The following BIN1 variants were observed in gnomAD, a reference collection of about 807,000 sequenced individuals.
BIN1 encodes bridging integrator 1.
BIN1 carries 53 observed loss-of-function variants against 82.0 expected under a neutral mutation model. The ratio of observed to expected loss-of-function variants is 0.65; its 90% confidence interval spans 0.52 to 0.81. The LOEUF (loss-of-function observed/expected upper bound fraction) is 0.81. Among genes scored for constraint, BIN1 ranks in the 40% least tolerant of loss-of-function variants. BIN1 has a pLI of 0.00. For synonymous variants in BIN1, 302 were observed against 328.0 expected, an observed-to-expected ratio of 0.92 and a Z score of 0.86; for missense variants, 642 against 784.4, an observed-to-expected ratio of 0.82 and a Z score of 2.17.
chr2:127,075,713 G>T (rs1686498097), intron 2 of BIN1, among the ~76,000 whole-genome samples: 1 of 134,706 alleles, frequency 7.4e-6, no homozygotes, highest in Non-Finnish European at 1.6e-5. Context: ...CTCCCAGAAT[G>T]CTCCCCGGCC....
chr2:127,081,817 G>A (rs981825053), intron 1 of BIN1: 33 of 1,287,254 alleles, frequency 2.6e-5, no homozygotes, highest in African/African-American at 3.0e-5. Flanking sequence ...CCCAGAAAAC[G>A]CATAAGGCCC....
intron 5 of BIN1, among the ~76,000 whole-genome samples, chr2:127,069,343 T>A (rs1685561353): frequency 6.6e-6 from 1 of 152,158 alleles, no homozygotes. Context: ...AACATCAGAC[T>A]CAGGGAGCTT....
At chr2:127,089,554 G>C (rs1300980048) in intron 1 of BIN1, among the ~76,000 whole-genome samples, 1 of 152,092 alleles carries the variant, frequency 6.6e-6, no homozygotes, top group Admixed American at 6.5e-5. Flanking sequence ...GAGATGTCCA[G>C]GAGGAAGGTG....
At chr2:127,076,499 A>T in intron 2 of BIN1, 127 bp downstream of exon 2, 2 of 1,095,176 alleles carry the variant, frequency 1.8e-6, no homozygotes, top group Non-Finnish European at 2.8e-6. Context: ...GTCTTACATG[A>T]TCTTGTCAGC....
rs1684173537 is a variant in BIN1 at position 127,059,560 on chromosome 2, G to GT, written c.858-406dup. 6.6e-6 allele frequency among the ~76,000 whole-genome samples: 1 copy of GT among 150,866 alleles called. No individual in the cohort carries two copies. On this transcript the variant is annotated intron_variant, in intron 10 of 18. Coordinates refer to ENST00000316724, the MANE Select transcript of BIN1 (RefSeq NM_139343.3). This position sits in a 1 kb window ranked among gnomAD's most constrained non-coding sequence, Gnocchi z 6.7. ...GAAAGCCAGACATCCTAGAGGCACA[G>GT]TGAGTCTCCCACACCACACGCAGCA...
In BIN1 at chr2:127,068,864, A is replaced by C; in HGVS notation, c.519+60T>G. 6.6e-7 allele frequency: 1 copy of C among 1,513,188 alleles called. No individual in the cohort carries two copies. The allele number at this position is 1,513,188 out of a possible 1,614,324, so 93.7% of individuals were successfully genotyped here. A position where few individuals can be genotyped will look rare whatever the true frequency, so the allele number is the denominator to read the frequency against. On this transcript the variant is annotated intron_variant, in intron 6 of 18. Coordinates refer to ENST00000316724, the MANE Select transcript of BIN1 (RefSeq NM_139343.3). This position sits in a 1 kb window ranked among gnomAD's most constrained non-coding sequence, Gnocchi z 4.9. Reference sequence around the variant, plus strand: ...AGGAAGCCTCCACCCTCGGGGTCCTAGACACCCGCCCTCTCTCAGCCCCCT... The same window carrying C: ...AGGAAGCCTCCACCCTCGGGGTCCTCGACACCCGCCCTCTCTCAGCCCCCT...
Position 127,097,612 on chromosome 2 carries a change from C to A in BIN1, c.84+9248G>T, listed in dbSNP as rs570989725. ...GCCCTGCCCCAGACCCTGGGCATGG[C>A]TGGATTCTAATCTGGCCCAGGCCAC... is the stretch of plus-strand genomic sequence containing the variant. On this transcript the variant is annotated intron_variant, in intron 1 of 18. Transcript: ENST00000316724. 5.9e-5 allele frequency among the ~76,000 whole-genome samples: 9 copies of A among 152,322 alleles called. No individual in the cohort carries two copies. The East Asian group carries it at 1.5e-3, about 26-fold the overall frequency.
chr2:127,069,030 G>A lies in BIN1; in HGVS notation c.413C>T (p.Ser138Leu). The A allele has an allele frequency of 3.1e-6, 5 of 1,613,802 alleles. No individual in the cohort carries two copies. The highest frequency in any genetic ancestry group is 4.2e-6 in the Non-Finnish European group (5 of 1,179,854). Reference protein sequence around the residue: ...TYLGQFPDIKSRIAKRGRKLV... With the variant: ...TYLGQFPDIKLRIAKRGRKLV... ...CTTGCGCCCCCGCTTGGCAATGCGT[G>A]ACTGGGGCAGACAGAGGAGGGCACT... is the stretch of plus-strand genomic sequence containing the variant. The change falls in exon 6 of 19, where the codon TCA (serine) becomes TTA (leucine). Residue 138 changes from serine (S) to leucine (L), a missense_variant and splice_region_variant. Physicochemically the swap from Ser to Leu is moderately radical, Grantham distance 145 (BLOSUM62 -2). Coordinates refer to ENST00000316724, the MANE Select transcript of BIN1 (RefSeq NM_139343.3).
chr2:127,059,158 G>C lies in BIN1; in HGVS notation c.858-3C>G. 1 of 1,572,040 alleles carries C rather than the reference G, an allele frequency of 6.4e-7. No individual in the cohort carries two copies. The highest frequency in any genetic ancestry group is 8.6e-7 in the Non-Finnish European group (1 of 1,159,004). On this transcript the variant is annotated splice_polypyrimidine_tract_variant and splice_region_variant and intron_variant, in intron 10 of 18. Transcript: ENST00000316724. The surrounding 1 kb of genome is among the most constrained non-coding windows in gnomAD (Gnocchi z 6.7). ...TCCCTTTTGCAGGCGCGTTGTCACT[G>C]TGGGGGAGGACAAGAAAGGGAGCCC...
rs915688791 is a variant in BIN1 at position 127,067,316 on chromosome 2, T to C, written c.612+847A>G. ...TACACTGACCTGAAATGTGCCTCAG[T>C]TTCATTGGCGAGAAAACCACATGAC... On this transcript the variant is annotated intron_variant, in intron 7 of 18. Transcript: ENST00000316724. The surrounding 1 kb of genome is among the most constrained non-coding windows in gnomAD (Gnocchi z 4.7). 5.3e-5 allele frequency among the ~76,000 whole-genome samples: 8 copies of C among 152,042 alleles called. No individual in the cohort carries two copies. The highest frequency in any genetic ancestry group is 1.9e-4 in the African/African-American group (8 of 41,388).
chr2:127,053,736 G>A (rs1558799352), intron 13 of BIN1, 169 bp downstream of exon 13: 1 of 728,256 alleles, frequency 1.4e-6, no homozygotes, highest in Non-Finnish European at 2.4e-6. Flanking sequence ...CTGATCAGGG[G>A]CTGCTTCCTG....
intron 9 of BIN1, 137 bp downstream of exon 9, chr2:127,063,434 G>T (rs1166125002): frequency 3.2e-6 from 3 of 944,330 alleles, no homozygotes; most frequent in South Asian, 1.5e-5. Context: ...CCACAGGGCC[G>T]GGAGGGAGCC....
At chr2:127,053,287 C>G in intron 14 of BIN1, 135 bp downstream of exon 14, 1 of 1,304,950 alleles carries the variant, frequency 7.7e-7, no homozygotes, top group Non-Finnish European at 1.1e-6. Context: ...TGCGTGAGCA[C>G]GTGCCTGTGT....
At position 127,097,294 on chromosome 2, in the gene BIN1, G is replaced by C. The variant is rs147363138; in HGVS notation, c.84+9566C>G. Among the ~76,000 whole-genome samples the C allele has an allele frequency of 2.6e-5, 4 of 151,508 alleles. No individual in the cohort carries two copies. In the East Asian group the frequency reaches 7.8e-4, roughly 30 times the overall value. On this transcript the variant is annotated intron_variant, in intron 1 of 18. Coordinates refer to ENST00000316724, the MANE Select transcript of BIN1 (RefSeq NM_139343.3). ...CAGCTCTCCAGGCCCAGCAGCGTCA[G>C]CCCTCCAGGCCCAGCAGTGTCATCC...
At position 127,053,892 on chromosome 2, in the gene BIN1, G is replaced by A. The variant is rs1257836697; in HGVS notation, c.1239+13C>T. Reference sequence around the variant, plus strand: ...AGCTGGTGGGCCCATGGGCAGTGGTGGGCACAACCAACCTGACCAGAGGGC... The same window carrying A: ...AGCTGGTGGGCCCATGGGCAGTGGTAGGCACAACCAACCTGACCAGAGGGC... On this transcript the variant is annotated intron_variant, in intron 13 of 18. Transcript: ENST00000316724. The A allele has an allele frequency of 1.3e-5, 20 of 1,549,994 alleles. No homozygotes were observed. Among genetic ancestry groups the A allele is most frequent in the Non-Finnish European group, 1.6e-5 (18 of 1,146,266 alleles).
chr2:127,070,672 G>C, intron 3 of BIN1, 25 bp from the exon 4 acceptor site: 1 of 1,613,974 alleles, frequency 6.2e-7, no homozygotes, highest in Non-Finnish European at 8.5e-7. Flanking sequence ...GGAAGTATGT[G>C]GGCCTCCCAC....
chr2:127,077,386 T>C (rs1281155977), intron 1 of BIN1, among the ~76,000 whole-genome samples: 1 of 152,002 alleles, frequency 6.6e-6, no homozygotes, highest in Non-Finnish European at 1.5e-5. Context: ...CTCCCAACCA[T>C]GAGTCTCAGA....
Position 127,076,611 on chromosome 2 carries a change from G to C in BIN1, c.165+15C>G. 1 of 1,613,996 alleles carries C rather than the reference G, an allele frequency of 6.2e-7. No individual in the cohort carries two copies. The highest frequency in any genetic ancestry group is 1.1e-5 in the South Asian group (1 of 91,080). On this transcript the variant is annotated intron_variant, in intron 2 of 18. Coordinates refer to ENST00000316724, the MANE Select transcript of BIN1 (RefSeq NM_139343.3). ...TTTCACAAACTCCCTAAGGCCAAGGGCCACCCACACTCACCAGCTGCTTGT... is the reference window on the plus strand; with the variant it reads ...TTTCACAAACTCCCTAAGGCCAAGGCCCACCCACACTCACCAGCTGCTTGT...
Position 127,092,038 on chromosome 2 carries a change from C to G in BIN1, c.84+14822G>C, listed in dbSNP as rs534961275. Among the ~76,000 whole-genome samples the G allele has an allele frequency of 6.6e-5, 10 of 151,918 alleles. No individual in the cohort carries two copies. In the South Asian group the frequency reaches 2.1e-3, roughly 32 times the overall value. The stretch of plus-strand genomic sequence containing the variant: ...ACCTTTGGCCCTGCCCCTAGCCTTG[C>G]CCCTTCCCCAGGCTCTTGGCCCAGC... On this transcript the variant is annotated intron_variant, in intron 1 of 18. Coordinates refer to ENST00000316724, the MANE Select transcript of BIN1 (RefSeq NM_139343.3).
Sources: gnomAD v4.1 joint callset for allele counts (sites outside exome capture counted in the v4.1 genomes callset) on GRCh38, gnomAD v4.1.1 for gene constraint, Gnocchi (gnomAD v3.1) non-coding constraint, MANE v1.5 for transcripts, NCBI Gene and HGNC (gene_info 2026-07-23, HGNC 2026-07-21) for gene names.